WDR72: variants seen among roughly 807,000 people sequenced by gnomAD.
WDR72 encodes the protein WD repeat-containing protein 72.
WDR72 carries 120 observed loss-of-function variants against 124.2 expected under a neutral mutation model. That is an observed-to-expected ratio of 0.97 (90% CI 0.83 to 1.12). The LOEUF is 1.12. Among genes scored for constraint, WDR72 ranks in the 50% most tolerant of loss-of-function variants. The pLI, the probability that WDR72 is intolerant of heterozygous loss-of-function variation, is 0.00. For missense variants in WDR72, 1,387 were observed against 1,278.8 expected (o/e 1.08, Z -1.29); for synonymous variants, 452 against 441.7 (o/e 1.02, Z -0.29).
intron 2 of WDR72, among the ~76,000 whole-genome samples, chr15:53,725,804 A>T (rs1429078276): frequency 6.6e-6 from 1 of 152,174 alleles, no homozygotes; most frequent in Non-Finnish European, 1.5e-5. Context: ...GGAGCAGGAG[A>T]TAAATAGATG....
chr15:53,721,165 G>T (rs962920039), intron 3 of WDR72, among the ~76,000 whole-genome samples: 1 of 152,130 alleles, frequency 6.6e-6, no homozygotes, highest in Non-Finnish European at 1.5e-5. Flanking sequence ...AAATCAACTT[G>T]GTGAAGGAGG....
rs550249282 is a variant in WDR72, at chr15:53,659,208, A to G, written c.1962+6364T>C. 2.6e-5 allele frequency among the ~76,000 whole-genome samples: 4 copies of G among 152,356 alleles called. No individual in the cohort carries two copies. In the East Asian group the frequency reaches 5.8e-4, roughly 22 times the overall value. On this transcript the variant is annotated intron_variant, in intron 14 of 19. Transcript: ENST00000360509. ...TCTTTGAAGAACTATTAGGCTATAT[A>G]TTTCAGGCCTGTGGACGCTGAAAAT... is the stretch of plus-strand genomic sequence containing the variant.
intron 13 of WDR72, among the ~76,000 whole-genome samples, chr15:53,679,858 A>G (rs1567022334): frequency 6.6e-6 from 1 of 152,174 alleles, no homozygotes; most frequent in Non-Finnish European, 1.5e-5. Flanking sequence ...TTGGAGAGAT[A>G]AAATAATGCA....
chr15:53,546,026 G>T (rs1243747314), intron 18 of WDR72, among the ~76,000 whole-genome samples: 2 of 138,622 alleles, frequency 1.4e-5, no homozygotes, highest in Non-Finnish European at 3.1e-5. Context: ...AGGTGCTGGA[G>T]AGGATGTGGA....
intron 14 of WDR72, among the ~76,000 whole-genome samples, chr15:53,619,386 G>A (rs1284397539): frequency 1.3e-5 from 2 of 151,616 alleles, no homozygotes; most frequent in African/African-American, 2.4e-5. Context: ...GTATCCAGGG[G>A]TACTACCAAA....
chr15:53,750,243 T>A (rs1170863303), intron 1 of WDR72, among the ~76,000 whole-genome samples: 1 of 152,156 alleles, frequency 6.6e-6, no homozygotes, highest in Non-Finnish European at 1.5e-5. Flanking sequence ...TTGAGGCCAA[T>A]GCTCATTTAT....
rs567002311 is a variant in WDR72, at chr15:53,647,544, T to C, written c.1962+18028A>G. Among the ~76,000 whole-genome samples, 13 of 152,154 alleles carry C rather than the reference T, an allele frequency of 8.5e-5. No homozygotes were observed. In the South Asian group the frequency reaches 2.7e-3, roughly 32 times the overall value. On this transcript the variant is annotated intron_variant, in intron 14 of 19. Transcript: ENST00000360509. ...TACAAATTATCTGTGCAATCATTAG[T>C]ATTTTTTTCCTCTCTCATGCTCCCT... is the stretch of plus-strand genomic sequence containing the variant.
At chr15:53,754,525 C>T (rs570327330) in intron 1 of WDR72, among the ~76,000 whole-genome samples, 18 of 152,120 alleles carry the variant, frequency 1.2e-4, no homozygotes, top group South Asian at 8.3e-4. Flanking sequence ...TTTCTACTGA[C>T]CAAAGAAGTC....
At chr15:53,683,922 C>A (rs1282991204) in intron 13 of WDR72, among the ~76,000 whole-genome samples, 1 of 152,006 alleles carries the variant, frequency 6.6e-6, no homozygotes, top group Admixed American at 6.6e-5. Flanking sequence ...AGTTCTTAAC[C>A]TTTTTTACAC....
intron 18 of WDR72, among the ~76,000 whole-genome samples, chr15:53,570,731 A>G (rs1354363708): frequency 1.3e-5 from 2 of 152,144 alleles, no homozygotes; most frequent in East Asian, 1.9e-4. Flanking sequence ...CCATTACTGG[A>G]TATTTACCCA....
chr15:53,545,169 G>T (rs1032434854), intron 18 of WDR72, among the ~76,000 whole-genome samples: 2 of 151,116 alleles, frequency 1.3e-5, no homozygotes, highest in Non-Finnish European at 2.9e-5. Context: ...CTACTTTAAA[G>T]TTCATGTGGA....
chr15:53,543,544 A>G (rs1268761489), intron 18 of WDR72, among the ~76,000 whole-genome samples: 3 of 150,982 alleles, frequency 2.0e-5, no homozygotes, highest in Non-Finnish European at 3.0e-5. Flanking sequence ...AGAAAGCAGG[A>G]AAGATCCAAA....
chr15:53,665,690 G>T lies in WDR72; in HGVS notation c.1844C>A (p.Ser615Tyr). 1 of 1,613,862 alleles carries T rather than the reference G, an allele frequency of 6.2e-7. No homozygotes were observed. Among genetic ancestry groups the T allele is most frequent in the Non-Finnish European group, 8.5e-7 (1 of 1,179,876 alleles). The change falls in exon 14 of 20, where the codon TCT (serine) becomes TAT (tyrosine). Residue 615 changes from serine (S) to tyrosine (Y), a missense_variant. Ser to Tyr is a moderately radical substitution (Grantham distance 144, BLOSUM62 -2). Coordinates refer to ENST00000360509, the MANE Select transcript of WDR72 (RefSeq NM_182758.4). ...NCCDDSQLVK[S>Y]VLPIASETLK... Reference sequence around the variant, plus strand: ...TGTCTCTGAGGCAATGGGAAGTACAGACTTCACAAGCTGTGAATCATCACA... The same window carrying T: ...TGTCTCTGAGGCAATGGGAAGTACATACTTCACAAGCTGTGAATCATCACA...
chr15:53,606,519 A>T (rs972101953), intron 17 of WDR72, among the ~76,000 whole-genome samples: 2 of 152,326 alleles, frequency 1.3e-5, no homozygotes, highest in East Asian at 3.9e-4. Flanking sequence ...GCAAGCTTAT[A>T]TAACAGCGAG....
chr15:53,599,243 G>A (rs1049557349), intron 17 of WDR72, among the ~76,000 whole-genome samples: 3 of 151,882 alleles, frequency 2.0e-5, no homozygotes, highest in African/African-American at 4.8e-5. Flanking sequence ...CACATGATGG[G>A]ATATATTTTA....
At chr15:53,567,524 T>C (rs1359807172) in intron 18 of WDR72, among the ~76,000 whole-genome samples, 1 of 152,072 alleles carries the variant, frequency 6.6e-6, no homozygotes, top group African/African-American at 2.4e-5. Flanking sequence ...TGCATATCCA[T>C]GCAGGATACC....
intron 18 of WDR72, among the ~76,000 whole-genome samples, chr15:53,546,365 G>C (rs1893458862): frequency 1.3e-5 from 2 of 151,714 alleles, no homozygotes; most frequent in African/African-American, 4.8e-5. Context: ...TCCTTTGTAG[G>C]GACATGGATG....
intron 14 of WDR72, among the ~76,000 whole-genome samples, chr15:53,653,136 A>T (rs1316321993): frequency 6.6e-6 from 1 of 152,138 alleles, no homozygotes; most frequent in African/African-American, 2.4e-5. Context: ...TTTCTCTTAC[A>T]ATTCAAAAAA....
At chr15:53,523,428 G>T (rs973985962) in intron 18 of WDR72, 106 bp from the exon 19 acceptor site, 1 of 1,030,412 alleles carries the variant, frequency 9.7e-7, no homozygotes, top group Non-Finnish European at 1.5e-6. Flanking sequence ...ATATTTCCAG[G>T]GACACACTAT....
Sources: allele counts gnomAD v4.1 joint callset (sites outside exome capture counted in the v4.1 genomes callset), GRCh38; gene constraint gnomAD v4.1.1; transcripts MANE v1.5; gene names NCBI Gene and HGNC (gene_info 2026-07-23, HGNC 2026-07-21).